The following SQSTM1 variants were observed in gnomAD, a reference collection of about 807,000 sequenced individuals.
SQSTM1 encodes sequestosome 1, also known as sequestosome-1.
In SQSTM1, 36 loss-of-function variants were observed where a neutral mutation model predicts 45.1. The observed-to-expected ratio is 0.80, with a 90% CI of 0.61 to 1.05. SQSTM1 has a LOEUF of 1.05. Ranked by LOEUF, SQSTM1 falls within the 50% of genes least tolerant of loss-of-function variation. The pLI is 0.00. For synonymous variants in SQSTM1, 290 were observed against 244.3 expected (o/e 1.19, Z -1.74); for missense variants, 617 against 607.1 (o/e 1.02, Z -0.17).
In SQSTM1 at chr5:179,837,773, C is replaced by T; in HGVS notation, c.*1180C>T. 1 of 1,614,240 alleles carries T rather than the reference C, an allele frequency of 6.2e-7. No individual in the cohort carries two copies. Among genetic ancestry groups the T allele is most frequent in the Non-Finnish European group, 8.5e-7 (1 of 1,180,052 alleles). Reference sequence around the variant, plus strand: ...TGTGGCTGTAACCTGCTGGATGGGACTCCATAGCTCCTTCCCAGGACCCCT... The same window carrying T: ...TGTGGCTGTAACCTGCTGGATGGGATTCCATAGCTCCTTCCCAGGACCCCT... On this transcript the variant is annotated 3_prime_UTR_variant, in exon 8 of 8. Coordinates refer to ENST00000389805, the MANE Select transcript of SQSTM1 (RefSeq NM_003900.5).
chr5:179,825,105 G>T (rs1424456080), intron 4 of SQSTM1, 41 bp from the exon 5 acceptor site: 1 of 1,582,660 alleles, frequency 6.3e-7, no homozygotes, highest in African/African-American at 1.3e-5. Flanking sequence ...GGTATCCAAG[G>T]CATTAAAGAT....
chr5:179,829,373 C>A lies in SQSTM1; in HGVS notation c.755-3659C>A, dbSNP rs574071051. On this transcript the variant is annotated intron_variant, in intron 5 of 7. Coordinates refer to ENST00000389805, the MANE Select transcript of SQSTM1 (RefSeq NM_003900.5). ...CCTGCAGAGGGAAAGTTAGTGATGG[C>A]GCTGGCCCCACAGAAGGCTTCCTGT... is the stretch of plus-strand genomic sequence containing the variant. Among the ~76,000 whole-genome samples, 25 of 152,308 alleles carry A rather than the reference C, an allele frequency of 1.6e-4. No individual in the cohort carries two copies. In the South Asian group the frequency reaches 5.0e-3, roughly 30 times the overall value.
chr5:179,809,205 T>A (rs1382705435), intron 1 of SQSTM1, among the ~76,000 whole-genome samples: 5 of 115,240 alleles, frequency 4.3e-5, no homozygotes, highest in African/African-American at 1.7e-4. Context: ...GTCGCCCAGG[T>A]TGGAGTGCAG....
intron 2 of SQSTM1, among the ~76,000 whole-genome samples, 197 bp downstream of exon 2, chr5:179,823,250 G>A (rs1757851985): frequency 6.6e-6 from 1 of 151,928 alleles, no homozygotes; most frequent in Admixed American, 6.6e-5. Flanking sequence ...CAGGTCACCT[G>A]AGGTCAGGAG....
chr5:179,833,381 C>A, intron 6 of SQSTM1, 135 bp downstream of exon 6: 1 of 1,042,878 alleles, frequency 9.6e-7, no homozygotes, highest in Non-Finnish European at 1.4e-6. Context: ...GCAGTGATGT[C>A]TGTGCCATTA....
chr5:179,830,423 G>A (rs953301086), intron 5 of SQSTM1, among the ~76,000 whole-genome samples: 1 of 152,030 alleles, frequency 6.6e-6, no homozygotes, highest in Non-Finnish European at 1.5e-5. Flanking sequence ...TTGAAACCGG[G>A]TCTCACTGTC....
Position 179,837,138 on chromosome 5 carries a change from C to T in SQSTM1, c.*545C>T. The T allele has an allele frequency of 1.5e-6, 2 of 1,300,026 alleles. No individual in the cohort carries two copies. The highest frequency in any genetic ancestry group is 2.1e-6 in the Non-Finnish European group (2 of 931,288). 80.5% of individuals were successfully genotyped at this position (1,300,026 alleles called of 1,614,324 possible). ...ACTGAGAGCTGCCTCCTGGTCTCTTCACCACTGTAGTTCTCTCATTTCCAA... is the reference window on the plus strand; with the variant it reads ...ACTGAGAGCTGCCTCCTGGTCTCTTTACCACTGTAGTTCTCTCATTTCCAA... On this transcript the variant is annotated 3_prime_UTR_variant, in exon 8 of 8. Coordinates refer to ENST00000389805, the MANE Select transcript of SQSTM1 (RefSeq NM_003900.5).
chr5:179,834,156 AG>A (rs4011597), intron 7 of SQSTM1, among the ~76,000 whole-genome samples: 12,322 of 99,960 alleles, frequency 0.12, 1,587 homozygotes, highest in African/African-American at 0.35. Context: ...CTGGTCTGAG[AG>A]GGGGGGGGGT....
intron 1 of SQSTM1, among the ~76,000 whole-genome samples, chr5:179,809,152 G>A (rs1338571375): frequency 7.9e-6 from 1 of 125,908 alleles, no homozygotes; most frequent in Non-Finnish European, 1.7e-5. Flanking sequence ...TCACCACCCC[G>A]GCCTTTTTTT....
At chr5:179,826,901 C>T (rs1418612083) in intron 5 of SQSTM1, among the ~76,000 whole-genome samples, 3 of 151,994 alleles carry the variant, frequency 2.0e-5, no homozygotes, top group African/African-American at 4.8e-5. Flanking sequence ...ATTCTTAATG[C>T]TTTCCAAGGA....
At chr5:179,827,325 G>A (rs577422538) in intron 5 of SQSTM1, among the ~76,000 whole-genome samples, 17 of 152,164 alleles carry the variant, frequency 1.1e-4, no homozygotes, top group South Asian at 2.1e-4. Flanking sequence ...TTTCTGAGAC[G>A]GAGTCTCGCT....
chr5:179,818,186 G>A (rs1757641576), upstream of SQSTM1, among the ~76,000 whole-genome samples: 1 of 152,116 alleles, frequency 6.6e-6, no homozygotes, highest in Non-Finnish European at 1.5e-5. Context: ...AAAGTCACCA[G>A]GTAGAATGAG....
At chr5:179,812,312 G>T (rs1039277910) in intron 2 of SQSTM1, 10 of 152,272 alleles carry the variant, frequency 6.6e-5, no homozygotes, top group African/African-American at 2.4e-4. Context: ...GGGTCGTACT[G>T]CAGGCCTGCA....
upstream of SQSTM1, among the ~76,000 whole-genome samples, chr5:179,818,653 C>T (rs1414783723): frequency 1.3e-5 from 2 of 152,208 alleles, no homozygotes; most frequent in Non-Finnish European, 2.9e-5. Context: ...CCTCAGCCCC[C>T]CTGCAGTCTC....
chr5:179,825,554 A>G (rs1757955431), intron 5 of SQSTM1, among the ~76,000 whole-genome samples: 1 of 152,168 alleles, frequency 6.6e-6, no homozygotes, highest in Admixed American at 6.5e-5. Flanking sequence ...ATAGTCTGCA[A>G]TTTCCCCTAA....
In SQSTM1 at chr5:179,833,226, G is replaced by C; in HGVS notation, c.949G>C (p.Glu317Gln). Residue 317 changes from glutamate to glutamine, a missense_variant, in exon 6 of 8, where the codon GAG becomes CAG. Glu to Gln is a conservative substitution (Grantham distance 29). Transcript: ENST00000389805. The stretch of plus-strand genomic sequence containing the variant: ...GGAGCAGATGAGGAAGATCGCCTTG[G>C]AGTCCGAGGGGCGCCCTGAGGCAAG... ...LAEQMRKIAL[E>Q]SEGRPEEQME... 6.3e-7 allele frequency: 1 copy of C among 1,596,206 alleles called. No individual in the cohort carries two copies. Among genetic ancestry groups the C allele is most frequent in the South Asian group, 1.1e-5 (1 of 89,596 alleles).
chr5:179,835,009 C>T (rs527529786), intron 7 of SQSTM1: 26 of 219,590 alleles, frequency 1.2e-4, no homozygotes, highest in Non-Finnish European at 1.9e-4. Context: ...ACATCCCGGA[C>T]GGGGTGGCTG....
chr5:179,818,012 CAAA>C (rs528143529), upstream of SQSTM1, among the ~76,000 whole-genome samples: 474 of 29,026 alleles, frequency 0.016, 1 homozygote, highest in African/African-American at 0.054. Flanking sequence ...GAGACTGTCT[CAAA>C]AAAAAAAAAA....
At chr5:179,831,201 C>T (rs540787871) in intron 5 of SQSTM1, among the ~76,000 whole-genome samples, 5 of 152,330 alleles carry the variant, frequency 3.3e-5, no homozygotes, top group South Asian at 2.1e-4. Context: ...AGCATCACAG[C>T]GCAGCCTCTG....
Sources: allele counts gnomAD v4.1 joint callset (sites outside exome capture counted in the v4.1 genomes callset), GRCh38; gene constraint gnomAD v4.1.1; transcripts MANE v1.5; gene names NCBI Gene and HGNC (gene_info 2026-07-23, HGNC 2026-07-21).